Variants in TFAP2D observed in about 807,000 individuals in gnomAD.
The protein encoded by TFAP2D is transcription factor AP-2 delta, also known as transcription factor AP-2-delta.
Under a neutral mutation model 43.6 loss-of-function variants are expected in TFAP2D, and 9 were observed. The observed-to-expected ratio is 0.21, with a 90% CI of 0.12 to 0.36. The LOEUF (loss-of-function observed/expected upper bound fraction) is 0.36. Among genes scored for constraint, TFAP2D ranks in the 10% least tolerant of loss-of-function variants. The pLI is 1.00. For missense variants in TFAP2D, 513 were observed against 561.4 expected (o/e 0.91, Z 0.87); for synonymous variants, 256 against 224.9 (o/e 1.14, Z -1.24).
intron 7 of TFAP2D, among the ~76,000 whole-genome samples, chr6:50,758,579 A>G (rs369206448): frequency 1.3e-5 from 2 of 152,070 alleles, no homozygotes; most frequent in East Asian, 3.9e-4. Flanking sequence ...CTCAACTGGT[A>G]TTTTCTGATT....
At chr6:50,715,978 T>G (rs1278563294) in intron 2 of TFAP2D, among the ~76,000 whole-genome samples, 2 of 152,064 alleles carry the variant, frequency 1.3e-5, no homozygotes, top group Non-Finnish European at 2.9e-5. Context: ...TCGAGGAGTC[T>G]GGGGTTGGGC....
In TFAP2D at chr6:50,733,346, A is replaced by T. The variant is rs184888431; in HGVS notation, c.883+4034A>T. On this transcript the variant is annotated intron_variant, in intron 5 of 7. Transcript: ENST00000008391. Reference sequence around the variant, plus strand: ...AACTCCTTGTATGCTGTTTTATTACAAGTCTCTTCTTTCCATTTTCCTTTG... The same window carrying T: ...AACTCCTTGTATGCTGTTTTATTACTAGTCTCTTCTTTCCATTTTCCTTTG... 5.3e-5 allele frequency among the ~76,000 whole-genome samples: 8 copies of T among 152,210 alleles called. No individual in the cohort carries two copies. The East Asian group carries it at 1.4e-3, about 26-fold the overall frequency.
At chr6:50,714,754 T>G (rs1254620827) in intron 1 of TFAP2D, among the ~76,000 whole-genome samples, 1 of 152,052 alleles carries the variant, frequency 6.6e-6, no homozygotes, top group Non-Finnish European at 1.5e-5. Context: ...CGGAGTCAGT[T>G]GCAAACCTGG....
chr6:50,738,487 T>C (rs906487955), intron 5 of TFAP2D, among the ~76,000 whole-genome samples: 22 of 152,136 alleles, frequency 1.4e-4, no homozygotes, highest in Admixed American at 3.9e-4. Context: ...AAAAATACCA[T>C]GTTATCTTCT....
intron 6 of TFAP2D, among the ~76,000 whole-genome samples, chr6:50,750,522 CAA>C (rs1769186286): frequency 6.6e-6 from 1 of 151,912 alleles, no homozygotes; most frequent in African/African-American, 2.4e-5. Context: ...GTGTACATCA[CAA>C]AGTCTTTACT....
At chr6:50,756,462 G>A (rs1241771575) in intron 7 of TFAP2D, among the ~76,000 whole-genome samples, 2 of 151,978 alleles carry the variant, frequency 1.3e-5, no homozygotes, top group Admixed American at 1.3e-4. Flanking sequence ...TACCTTATAG[G>A]TTGGCTGATT....
chr6:50,762,185 C>A (rs112874446), intron 7 of TFAP2D, among the ~76,000 whole-genome samples: 2 of 152,010 alleles, frequency 1.3e-5, no homozygotes, highest in Non-Finnish European at 2.9e-5. Context: ...ATTTGTGAGC[C>A]TCAGTTTCTA....
rs370935003 is a variant in TFAP2D at position 50,731,278 on chromosome 6, T to C, written c.883+1966T>C. Among the ~76,000 whole-genome samples, 11 of 152,226 alleles carry C rather than the reference T, an allele frequency of 7.2e-5. No individual in the cohort carries two copies. In the East Asian group the frequency reaches 1.2e-3, roughly 16 times the overall value. Reference sequence around the variant, plus strand: ...TTTTATCCTTTTGAGGAGCATCTTATCTTAATTGTGTGCTTTTGAAATCCC... The same window carrying C: ...TTTTATCCTTTTGAGGAGCATCTTACCTTAATTGTGTGCTTTTGAAATCCC... On this transcript the variant is annotated intron_variant, in intron 5 of 7. Transcript: ENST00000008391.
intron 7 of TFAP2D, 31 bp downstream of exon 7, chr6:50,751,355 C>A: frequency 7.0e-7 from 1 of 1,426,508 alleles, no homozygotes; most frequent in Non-Finnish European, 9.9e-7. Context: ...TGCTCAAATT[C>A]TTTACTAACC....
In TFAP2D at chr6:50,714,722, G is replaced by C. The variant is rs997914809; in HGVS notation, c.40-394G>C. On this transcript the variant is annotated intron_variant, in intron 1 of 7. Coordinates refer to ENST00000008391, the MANE Select transcript of TFAP2D (RefSeq NM_172238.4). ...GCCAGCGCTCTTTTCGGGTGGACTC[G>C]TTCCTCTGCTACCCGCGGCCCCGGA... 2.6e-5 allele frequency among the ~76,000 whole-genome samples: 4 copies of C among 152,114 alleles called. No individual in the cohort carries two copies. In the South Asian group the frequency reaches 8.3e-4, roughly 31 times the overall value.
chr6:50,750,150 G>A (rs914312428), intron 6 of TFAP2D, among the ~76,000 whole-genome samples: 3 of 151,872 alleles, frequency 2.0e-5, no homozygotes, highest in African/African-American at 7.2e-5. Flanking sequence ...CTTTTTGGTA[G>A]TCATTTGTTG....
chr6:50,762,510 C>T (rs1031822050), intron 7 of TFAP2D, among the ~76,000 whole-genome samples: 7 of 151,954 alleles, frequency 4.6e-5, no homozygotes, highest in South Asian at 2.1e-4. Context: ...AAGAGGAAAA[C>T]GGAAAAGTAG....
chr6:50,725,688 A>G (rs965765997), intron 3 of TFAP2D, among the ~76,000 whole-genome samples: 1 of 152,172 alleles, frequency 6.6e-6, no homozygotes, highest in Non-Finnish European at 1.5e-5. Flanking sequence ...TCTCATCATT[A>G]CCATCTGTAG....
chr6:50,716,443 GAAGGAAGGAAGGAGAA>G lies in TFAP2D; in HGVS notation c.537+844_537+859del, dbSNP rs1187661475. 5.6e-5 allele frequency among the ~76,000 whole-genome samples: 8 copies of G among 143,802 alleles called. No homozygotes were observed. The South Asian group carries it at 1.6e-3, about 29-fold the overall frequency. The allele number at this position is 143,802 out of a possible 152,430, so 94.3% of individuals were successfully genotyped here. ...ATGAAAGAGGGAAAAAATAAAGAAG[GAAGGAAGGAAGGAGAA>G]AAGGAAGGAAGGAAGGGAGAAAAAG... is the stretch of plus-strand genomic sequence containing the variant. On this transcript the variant is annotated intron_variant, in intron 2 of 7. Transcript: ENST00000008391.
chr6:50,768,639 A>G (rs139361799), intron 7 of TFAP2D, among the ~76,000 whole-genome samples: 3 of 152,274 alleles, frequency 2.0e-5, no homozygotes, highest in African/African-American at 4.8e-5. Context: ...ATTGTAGTAC[A>G]TTAGATTACT....
chr6:50,751,453 A>T, intron 7 of TFAP2D, 129 bp downstream of exon 7: 1 of 620,962 alleles, frequency 1.6e-6, no homozygotes, highest in Non-Finnish European at 2.9e-6. Context: ...CAGATGGGCT[A>T]TAACAAAATA....
chr6:50,745,081 A>C, intron 5 of TFAP2D, 26 bp from the exon 6 acceptor site: 1 of 1,612,052 alleles, frequency 6.2e-7, no homozygotes, highest in Non-Finnish European at 8.5e-7. Context: ...ACTGGTGAGA[A>C]ACTCACTTGT....
intron 5 of TFAP2D, among the ~76,000 whole-genome samples, chr6:50,742,368 C>T (rs1190028593): frequency 1.3e-5 from 2 of 152,052 alleles, no homozygotes; most frequent in East Asian, 1.9e-4. Context: ...CCCACTCAAA[C>T]TGTTTTTAAA....
At chr6:50,745,829 G>C (rs181831353) in intron 6 of TFAP2D, among the ~76,000 whole-genome samples, 1 of 151,976 alleles carries the variant, frequency 6.6e-6, no homozygotes, top group Non-Finnish European at 1.5e-5. Flanking sequence ...TCTGGAAATT[G>C]TAAAAAGCCC....
Sources: gnomAD v4.1 joint callset for allele counts (sites outside exome capture counted in the v4.1 genomes callset) on GRCh38, gnomAD v4.1.1 for gene constraint, MANE v1.5 for transcripts, NCBI Gene and HGNC (gene_info 2026-07-23, HGNC 2026-07-21) for gene names.